Variants in UBN1 observed in about 807,000 individuals in gnomAD.
UBN1 encodes ubinuclein 1.
Under a neutral mutation model 108.5 loss-of-function variants are expected in UBN1, and 17 were observed. That is an observed-to-expected ratio of 0.16 (90% CI 0.11 to 0.24). UBN1 has a LOEUF of 0.24. Ranked by LOEUF, UBN1 falls within the 10% of genes least tolerant of loss-of-function variation. The pLI is 1.00. For synonymous variants in UBN1, 726 were observed against 564.2 expected (o/e 1.29, Z -4.07); for missense variants, 1,595 against 1,394.4 (o/e 1.14, Z -2.29).
chr16:4,870,782 TG>T, intron 10 of UBN1, 61 bp from the exon 11 acceptor site: 1 of 1,604,544 alleles, frequency 6.2e-7, no homozygotes, highest in Non-Finnish European at 8.5e-7. Context: ...TAGTGCAGAG[TG>T]AGGGGAGAGG....
chr16:4,860,724 C>T lies in UBN1; in HGVS notation c.732C>T (p.Ser244=), dbSNP rs145901033. 531 of 1,614,058 alleles carry T rather than the reference C, an allele frequency of 3.3e-4. 1 individual carries two copies. The highest frequency in any genetic ancestry group is 2.5e-3 in the Admixed American group (152 of 60,006). The change falls in exon 7 of 18, where the codon AGC becomes AGT. Residue 244 remains serine, a synonymous_variant. Coordinates refer to ENST00000262376, the MANE Select transcript of UBN1 (RefSeq NM_001079514.3). ...AGAAGAAATATTCTGGGGCTTTAAGCGTTAAAGAGATGCTAAAGAAATTTC... is the reference window on the plus strand; with the variant it reads ...AGAAGAAATATTCTGGGGCTTTAAGTGTTAAAGAGATGCTAAAGAAATTTC... ...KKKKKYSGAL[S]VKEMLKKFQK...
chr16:4,850,647 T>C (rs1032589176), intron 1 of UBN1, among the ~76,000 whole-genome samples: 6 of 152,250 alleles, frequency 3.9e-5, no homozygotes, highest in African/African-American at 1.4e-4. Context: ...CTAATCGTTT[T>C]GCCGCCTGAT....
At chr16:4,867,402 C>G (rs2142218533) in intron 7 of UBN1, among the ~76,000 whole-genome samples, 1 of 113,844 alleles carries the variant, frequency 8.8e-6, no homozygotes, top group East Asian at 3.3e-4. Flanking sequence ...GTATAGAGGG[C>G]TAACTTTTTG....
intron 5 of UBN1, 74 bp downstream of exon 5, chr16:4,859,233 C>G: frequency 6.4e-7 from 1 of 1,561,834 alleles, no homozygotes; most frequent in South Asian, 1.2e-5. Context: ...GGTGACTTGC[C>G]AGAATACGTG....
Position 4,860,887 on chromosome 16 carries a change from A to G in UBN1, c.895A>G (p.Asn299Asp). The G allele has an allele frequency of 1.2e-6, 2 of 1,614,244 alleles. No homozygotes were observed. Among genetic ancestry groups the G allele is most frequent in the Non-Finnish European group, 1.7e-6 (2 of 1,180,046 alleles). Residue 299 changes from asparagine to aspartate, a missense_variant, in exon 7 of 18, where the codon AAC (asparagine) becomes GAC (aspartate). Coordinates refer to ENST00000262376, the MANE Select transcript of UBN1 (RefSeq NM_001079514.3). ...CTCACTCTTTGGCTCTACTTCTGAC[A>G]ACGACTTGCTCCAGGCGGCCACTGC... ...LLSLFGSTSDNDLLQAATAMD... is the reference protein window; with the variant it reads ...LLSLFGSTSDDDLLQAATAMD...
rs1185225413 is a variant in UBN1 at position 4,882,247 on chromosome 16, A to G, written c.*2115A>G. 2.6e-5 allele frequency: 4 copies of G among 152,694 alleles called. No individual in the cohort carries two copies. The highest frequency in any genetic ancestry group is 9.6e-5 in the African/African-American group (4 of 41,534). 9.5% of individuals were successfully genotyped at this position (152,694 alleles called of 1,614,324 possible). On this transcript the variant is annotated 3_prime_UTR_variant, in exon 18 of 18. Coordinates refer to ENST00000262376, the MANE Select transcript of UBN1 (RefSeq NM_001079514.3). ...CACTTACCGGGCGTGACCGTTTCTT[A>G]GGTGTGAGAGGGGCTGTGGCTTTTG... is the stretch of plus-strand genomic sequence containing the variant.
At chr16:4,854,450 T>C (rs181822190) in intron 2 of UBN1, among the ~76,000 whole-genome samples, 67 of 150,890 alleles carry the variant, frequency 4.4e-4, no homozygotes, top group African/African-American at 1.6e-3. Flanking sequence ...TTCAAATGTT[T>C]CTCCTGCCTC....
Position 4,847,799 on chromosome 16 carries a change from C to G in UBN1, c.-451C>G, listed in dbSNP as rs948490852. ...TGGGCTCCCGCGCCCGGCAACTCTG[C>G]TTGGCCGCAGGCCGGGAGGCCCCGG... On this transcript the variant is annotated 5_prime_UTR_variant, in exon 1 of 18. Transcript: ENST00000262376. 4.6e-5 allele frequency: 7 copies of G among 153,098 alleles called. No individual in the cohort carries two copies. Among genetic ancestry groups the G allele is most frequent in the African/African-American group, 1.4e-4 (6 of 41,436 alleles). The allele number at this position is 153,098 out of a possible 1,614,324, so 9.5% of individuals were successfully genotyped here. A position where few individuals can be genotyped will look rare whatever the true frequency, so the allele number is the denominator to read the frequency against.
chr16:4,849,888 G>A (rs1482346965), intron 1 of UBN1, among the ~76,000 whole-genome samples: 2 of 138,348 alleles, frequency 1.4e-5, no homozygotes, highest in African/African-American at 5.5e-5. Flanking sequence ...TGAGGCTGCA[G>A]TGAGCTCTCA....
intron 1 of UBN1, among the ~76,000 whole-genome samples, chr16:4,848,555 T>G (rs2086334768): frequency 1.3e-5 from 2 of 152,196 alleles, no homozygotes; most frequent in Non-Finnish European, 2.9e-5. Context: ...GTTAGAGATT[T>G]CGGTTGCAAG....
chr16:4,873,564 A>G lies in UBN1; in HGVS notation c.1800+491A>G, dbSNP rs532250821. Among the ~76,000 whole-genome samples the G allele has an allele frequency of 4.6e-5, 7 of 152,336 alleles. No individual in the cohort carries two copies. In the East Asian group the frequency reaches 1.3e-3, roughly 29 times the overall value. ...CTCAATGTAGTAAAAATTGCTGTTT[A>G]TCAACATTTTTCCCAGTTCTTAGTG... On this transcript the variant is annotated intron_variant, in intron 14 of 17. Transcript: ENST00000262376.
At chr16:4,867,785 G>A (rs2087409413) in intron 7 of UBN1, among the ~76,000 whole-genome samples, 1 of 151,954 alleles carries the variant, frequency 6.6e-6, no homozygotes, top group Non-Finnish European at 1.5e-5. Context: ...ATGGTGAGGG[G>A]TTAGCAGTGT....
intron 2 of UBN1, among the ~76,000 whole-genome samples, chr16:4,854,753 C>T (rs919003303): frequency 1.3e-5 from 2 of 150,902 alleles, no homozygotes; most frequent in South Asian, 2.1e-4. Flanking sequence ...GACAGAGTCT[C>T]GCTCTGTCGC....
intron 10 of UBN1, 24 bp from the exon 11 acceptor site, chr16:4,870,820 C>G: frequency 1.9e-6 from 3 of 1,613,036 alleles, no homozygotes; most frequent in Non-Finnish European, 2.5e-6. Context: ...CTTGGGGCCC[C>G]ATGTAATTCT....
intron 7 of UBN1, among the ~76,000 whole-genome samples, chr16:4,864,869 A>G (rs916153015): frequency 2.6e-5 from 4 of 152,356 alleles, no homozygotes; most frequent in African/African-American, 7.2e-5. Flanking sequence ...GTAGGGGGAA[A>G]AAAAACGAAA....
chr16:4,859,993 A>T, intron 6 of UBN1, 25 bp downstream of exon 6: 1 of 1,613,644 alleles, frequency 6.2e-7, no homozygotes, highest in Non-Finnish European at 8.5e-7. Flanking sequence ...CTTCTTTGCT[A>T]GGATAAAGCC....
chr16:4,861,456 T>C (rs1485299314), intron 7 of UBN1, among the ~76,000 whole-genome samples: 2 of 152,222 alleles, frequency 1.3e-5, no homozygotes, highest in African/African-American at 2.4e-5. Context: ...ATCTTAGAAT[T>C]CTTACGAAGG....
Position 4,877,696 on chromosome 16 carries a change from C to T in UBN1, c.3355+222C>T. ...CTTGGAGCTGCCGCCAGGTCAGCCT[C>T]AGCCTGTGTGATCACAGGGAAAGTT... On this transcript the variant is annotated intron_variant, in intron 17 of 17. Coordinates refer to ENST00000262376, the MANE Select transcript of UBN1 (RefSeq NM_001079514.3). This position sits in a 1 kb window ranked among gnomAD's most constrained non-coding sequence, Gnocchi z 4.3. The T allele has an allele frequency of 8.0e-7, 1 of 1,247,062 alleles. No individual in the cohort carries two copies. The highest frequency in any genetic ancestry group is 1.6e-5 in the African/African-American group (1 of 64,420). 77.2% of individuals were successfully genotyped at this position (1,247,062 alleles called of 1,614,324 possible).
chr16:4,860,718 T>G lies in UBN1; in HGVS notation c.726T>G (p.Ala242=). Residue 242 remains alanine (A), a synonymous_variant, in exon 7 of 18, where the codon GCT becomes GCG. Coordinates refer to ENST00000262376, the MANE Select transcript of UBN1 (RefSeq NM_001079514.3). Reference sequence around the variant, plus strand: ...AGAAGAAGAAGAAATATTCTGGGGCTTTAAGCGTTAAAGAGATGCTAAAGA... The same window carrying G: ...AGAAGAAGAAGAAATATTCTGGGGCGTTAAGCGTTAAAGAGATGCTAAAGA... ...KEKKKKKYSG[A]LSVKEMLKKF... is the part of the protein sequence containing the mutation. The G allele has an allele frequency of 6.2e-7, 1 of 1,614,142 alleles. No individual in the cohort carries two copies. Among genetic ancestry groups the G allele is most frequent in the Non-Finnish European group, 8.5e-7 (1 of 1,180,038 alleles).
Sources: allele counts gnomAD v4.1 joint callset (sites outside exome capture counted in the v4.1 genomes callset), GRCh38; gene constraint gnomAD v4.1.1; non-coding constraint Gnocchi (gnomAD v3.1); transcripts MANE v1.5; gene names NCBI Gene and HGNC (gene_info 2026-07-23, HGNC 2026-07-21).